METTL23: variants seen among roughly 807,000 people sequenced by gnomAD.
METTL23 encodes methyltransferase 23, arginine.
A neutral mutation model predicts 21.2 loss-of-function variants in METTL23; 24 were observed. The observed-to-expected ratio is 1.13, with a 90% CI of 0.82 to 1.59. The LOEUF (loss-of-function observed/expected upper bound fraction) is 1.59. Ranked by LOEUF, METTL23 falls within the 40% of genes most tolerant of loss-of-function variation. METTL23 has a pLI of 0.00. For synonymous variants in METTL23, 97 were observed against 75.2 expected (o/e 1.29, Z -1.50); for missense variants, 276 against 221.4 (o/e 1.25, Z -1.57).
rs952654706 is a variant in METTL23, at chr17:76,727,077, C to G, written c.-123C>G. ...GCCCAACGACGCCCTACTGGGCGAG[C>G]ACGATTTCCGAGGACAGGGGGTCCG... On this transcript the variant is annotated 5_prime_UTR_variant, in exon 1 of 5. Transcript: ENST00000341249. 2.2e-6 allele frequency: 1 copy of G among 455,046 alleles called. No homozygotes were observed. The highest frequency in any genetic ancestry group is 2.4e-5 in the Admixed American group (1 of 42,528). 28.2% of individuals were successfully genotyped at this position (455,046 alleles called of 1,614,324 possible). A position where few individuals can be genotyped will look rare whatever the true frequency, so the allele number is the denominator to read the frequency against.
At chr17:76,732,956 G>A in intron 2 of METTL23, 22 bp from the exon 3 acceptor site, 3 of 1,533,216 alleles carry the variant, frequency 2.0e-6, no homozygotes, top group Middle Eastern at 1.7e-4. Context: ...ATTGTGAAAT[G>A]CCATCTTTCA....
chr17:76,726,056 C>A (rs969321058), upstream of METTL23, among the ~76,000 whole-genome samples: 1 of 152,186 alleles, frequency 6.6e-6, no homozygotes, highest in African/African-American at 2.4e-5. Context: ...CAGCCAGGTC[C>A]CCTAGGGGAC....
intron 2 of METTL23, 172 bp from the exon 3 acceptor site, chr17:76,732,806 A>G (rs2077279559): frequency 1.3e-5 from 8 of 622,546 alleles, no homozygotes; most frequent in Admixed American, 5.8e-5. Context: ...TAAGGAATGT[A>G]CTTTTGTCAT....
chr17:76,732,804 G>A (rs2077279232), intron 2 of METTL23, 174 bp from the exon 3 acceptor site: 1 of 620,086 alleles, frequency 1.6e-6, no homozygotes, highest in Non-Finnish European at 2.8e-6. Flanking sequence ...CATAAGGAAT[G>A]TACTTTTGTC....
chr17:76,730,997 C>T (rs959420857), intron 2 of METTL23, among the ~76,000 whole-genome samples: 8 of 152,056 alleles, frequency 5.3e-5, no homozygotes, highest in African/African-American at 1.2e-4. Flanking sequence ...CCCAGCTACT[C>T]GGGAGGCTGA....
At chr17:76,729,058 C>T (rs559087887) in intron 1 of METTL23, among the ~76,000 whole-genome samples, 2 of 151,744 alleles carry the variant, frequency 1.3e-5, no homozygotes, top group East Asian at 3.9e-4. Flanking sequence ...CTCGGCCTCC[C>T]AAAGTGCTGG....
chr17:76,727,421 G>A (rs1012025175), intron 1 of METTL23: 9 of 256,092 alleles, frequency 3.5e-5, no homozygotes, highest in Non-Finnish European at 5.5e-5. Context: ...GGCTGGTCTC[G>A]AACTGTAAGC....
intron 1 of METTL23, among the ~76,000 whole-genome samples, chr17:76,728,503 T>C (rs8074257): frequency 0.99 from 149,989 of 151,248 alleles, 74,381 homozygotes; most frequent in East Asian, 1. Flanking sequence ...CTCCGCCTCG[T>C]GGGTTCAAGT....
Position 76,733,674 on chromosome 17 carries a change from G to C in METTL23, c.561G>C (p.Lys187Asn), listed in dbSNP as rs1205498237. The change falls in exon 5 of 5, where the codon AAG (lysine) becomes AAC (asparagine). Residue 187 changes from lysine (K) to asparagine (N), a missense_variant. Lys to Asn is a moderately conservative substitution (Grantham distance 94, BLOSUM62 0). Transcript: ENST00000341249. ...AAATGCTGGTCATTTCCTTTGCAAA[G>C]GACAGTCTCTGAATTATACCTACAA... ...TVEMLVISFA[K>N]DSL is the part of the protein sequence containing the mutation. The C allele has an allele frequency of 2.5e-6, 4 of 1,612,968 alleles. No individual in the cohort carries two copies. The highest frequency in any genetic ancestry group is 2.2e-5 in the South Asian group (2 of 90,946).
upstream of METTL23, chr17:76,726,738 C>T: frequency 6.0e-6 from 3 of 499,992 alleles, no homozygotes; most frequent in South Asian, 6.0e-5. Context: ...GGTACTCCTT[C>T]ACATACGGCG....
At chr17:76,727,861 A>G (rs1288045172) in intron 1 of METTL23, among the ~76,000 whole-genome samples, 3 of 152,186 alleles carry the variant, frequency 2.0e-5, no homozygotes, top group East Asian at 3.9e-4. Flanking sequence ...AAGTGCTGGG[A>G]TTGCAGGAGT....
Position 76,727,119 on chromosome 17 carries a change from T to C in METTL23, c.-81T>C. On this transcript the variant is annotated 5_prime_UTR_variant, in exon 1 of 5. Transcript: ENST00000341249. ...GGGGGTCCGGGCCCAGCGCTTTCGA[T>C]TCTCGGAGGAGCCGGGTCCGGGGGC... 2.2e-6 allele frequency: 1 copy of C among 452,692 alleles called. No individual in the cohort carries two copies. The highest frequency in any genetic ancestry group is 4.4e-6 in the Non-Finnish European group (1 of 225,218). 28.0% of individuals were successfully genotyped at this position (452,692 alleles called of 1,614,324 possible).
chr17:76,730,557 G>A (rs1475401513), intron 2 of METTL23, among the ~76,000 whole-genome samples: 1 of 152,212 alleles, frequency 6.6e-6, no homozygotes, highest in African/African-American at 2.4e-5. Flanking sequence ...TGCCTTCCAC[G>A]GCCGTGGCAG....
At chr17:76,732,837 A>G (rs2077283453) in intron 2 of METTL23, 141 bp from the exon 3 acceptor site, 2 of 682,054 alleles carry the variant, frequency 2.9e-6, no homozygotes, top group Non-Finnish European at 5.0e-6. Flanking sequence ...ATGTTCAGTT[A>G]CGGTACATTT....
intron 1 of METTL23, among the ~76,000 whole-genome samples, chr17:76,728,149 T>C (rs1389765916): frequency 6.6e-6 from 1 of 151,576 alleles, no homozygotes; most frequent in Non-Finnish European, 1.5e-5. Context: ...GGTGGGAGGA[T>C]TGCTTGAGCC....
chr17:76,730,089 C>T (rs1056812767), intron 2 of METTL23, among the ~76,000 whole-genome samples: 4 of 150,760 alleles, frequency 2.7e-5, no homozygotes, highest in East Asian at 2.0e-4. Flanking sequence ...GTCAGGAGTT[C>T]GAGACCAGCC....
intron 2 of METTL23, among the ~76,000 whole-genome samples, chr17:76,730,626 G>A (rs926726903): frequency 6.6e-5 from 10 of 152,288 alleles, no homozygotes; most frequent in Non-Finnish European, 5.9e-5. Context: ...TTATATTCAG[G>A]TTGCTGTAAC....
chr17:76,726,739 A>G, upstream of METTL23: 1 of 479,018 alleles, frequency 2.1e-6, no homozygotes, highest in South Asian at 2.0e-5. Flanking sequence ...GTACTCCTTC[A>G]CATACGGCGG....
Position 76,733,655 on chromosome 17 carries a change from T to C in METTL23, c.542T>C (p.Leu181Pro). ...TLPGRHTVEM[L>P]VISFAKDSL ...CCAGGAAGACATACAGTTGAAATGC[T>C]GGTCATTTCCTTTGCAAAGGACAGT... The change falls in exon 5 of 5, where the codon CTG becomes CCG. Residue 181 changes from leucine (L) to proline (P), a missense_variant. Leu to Pro is a moderately conservative substitution (Grantham distance 98). Transcript: ENST00000341249. The C allele has an allele frequency of 6.2e-7, 1 of 1,613,714 alleles. No homozygotes were observed. Among genetic ancestry groups the C allele is most frequent in the Admixed American group, 1.7e-5 (1 of 59,978 alleles).
Sources: gnomAD v4.1 joint callset for allele counts (sites outside exome capture counted in the v4.1 genomes callset) on GRCh38, gnomAD v4.1.1 for gene constraint, MANE v1.5 for transcripts, NCBI Gene and HGNC (gene_info 2026-07-23, HGNC 2026-07-21) for gene names.